Variants in BEND3 observed in about 807,000 individuals in gnomAD.
BEND3 encodes the protein BEN domain containing 3.
Under a neutral mutation model 60.1 loss-of-function variants are expected in BEND3, and 13 were observed. The observed-to-expected ratio is 0.22, with a 90% CI of 0.14 to 0.34. The LOEUF is 0.34. BEND3 is among the 10% of genes least tolerant of loss of function. The pLI, the probability that BEND3 is intolerant of heterozygous loss-of-function variation, is 1.00. For missense variants in BEND3, 896 were observed against 1,138.1 expected (o/e 0.79, Z 3.06); for synonymous variants, 497 against 491.5 (o/e 1.01, Z -0.15).
At chr6:107,095,145 A>C (rs1554235798) in intron 3 of BEND3, among the ~76,000 whole-genome samples, 1 of 151,828 alleles carries the variant, frequency 6.6e-6, no homozygotes, top group Non-Finnish European at 1.5e-5. Context: ...TTTGCACTCC[A>C]CCCTGGCAAC....
chr6:107,109,540 A>G (rs1048653996), intron 1 of BEND3, among the ~76,000 whole-genome samples: 5 of 151,436 alleles, frequency 3.3e-5, no homozygotes, highest in Admixed American at 6.6e-5. Context: ...GGAGTTTGAG[A>G]CCAGCCTGGG....
chr6:107,106,033 C>G (rs1373708569), intron 1 of BEND3: 6 of 152,232 alleles, frequency 3.9e-5, no homozygotes, highest in African/African-American at 1.4e-4. Context: ...ATTAACAAAA[C>G]AAACTCAAGG....
chr6:107,087,858 T>C (rs1183977626), intron 3 of BEND3, among the ~76,000 whole-genome samples: 2 of 145,004 alleles, frequency 1.4e-5, no homozygotes, highest in Non-Finnish European at 3.0e-5. Flanking sequence ...TCTTAAACTC[T>C]GGGCTCAAAT....
chr6:107,103,265 C>A (rs9486525), intron 1 of BEND3, among the ~76,000 whole-genome samples: 4,315 of 152,314 alleles, frequency 0.028, 204 homozygotes, highest in African/African-American at 0.099. Context: ...GGGGAGCACA[C>A]TGCTACCTCC....
rs117029872 is a variant in BEND3 at position 107,095,115 on chromosome 6, C to G, written c.240+3436G>C. ...AAGGATTACAGGTGTTAAACCACCA[C>G]ACCTAGCTGTGCCACTGCTTTTGCA... On this transcript the variant is annotated intron_variant, in intron 3 of 3. Coordinates refer to ENST00000369042, the MANE Select transcript of BEND3 (RefSeq NM_001367314.1). Among the ~76,000 whole-genome samples, 534 of 152,144 alleles carry G rather than the reference C, an allele frequency of 3.5e-3. 12 individuals carry two copies. The East Asian group carries it at 0.056, about 16-fold the overall frequency.
intron 1 of BEND3, among the ~76,000 whole-genome samples, chr6:107,101,772 G>A (rs527577925): frequency 2.1e-3 from 322 of 152,258 alleles, no homozygotes; most frequent in Non-Finnish European, 4.0e-3. Flanking sequence ...GACAATGCCA[G>A]GCAGAAATTC....
chr6:107,086,460 C>G (rs1775350507), intron 3 of BEND3, among the ~76,000 whole-genome samples: 2 of 151,064 alleles, frequency 1.3e-5, no homozygotes, highest in South Asian at 4.2e-4. Flanking sequence ...ACTAAAAATA[C>G]AACAATTAGC....
chr6:107,069,094 G>A lies in BEND3; in HGVS notation c.2097C>T (p.Cys699=), dbSNP rs782046200. ...LPPERSSKDF[C]KIPLDELVVP... is the part of the protein sequence containing the mutation. Reference sequence around the variant, plus strand: ...CCACCAGCTCGTCCAAGGGGATCTTGCAAAAGTCCTTGCTGCTCCTCTCGG... The same window carrying A: ...CCACCAGCTCGTCCAAGGGGATCTTACAAAAGTCCTTGCTGCTCCTCTCGG... Residue 699 remains cysteine, a synonymous_variant, in exon 4 of 4, where the codon TGC becomes TGT. Transcript: ENST00000369042. The A allele has an allele frequency of 1.9e-6, 3 of 1,613,120 alleles. No individual in the cohort carries two copies. Among genetic ancestry groups the A allele is most frequent in the South Asian group, 1.1e-5 (1 of 91,058 alleles).
intron 1 of BEND3, 109 bp from the exon 2 acceptor site, chr6:107,099,405 AGAGCAGCAC>A: frequency 2.3e-6 from 2 of 881,730 alleles, no homozygotes; most frequent in Non-Finnish European, 3.7e-6. Flanking sequence ...TCTAGGTAAC[AGAGCAGCAC>A]AGCACTGTGG....
chr6:107,092,386 A>G (rs1243939497), intron 3 of BEND3, among the ~76,000 whole-genome samples: 2 of 152,228 alleles, frequency 1.3e-5, no homozygotes, highest in African/African-American at 2.4e-5. Context: ...TCACATGATC[A>G]TGTCAATAAA....
chr6:107,096,618 A>C (rs879964355), intron 3 of BEND3, among the ~76,000 whole-genome samples: 2 of 152,172 alleles, frequency 1.3e-5, no homozygotes, highest in Admixed American at 1.3e-4. Context: ...TCCATCCATC[A>C]ATCAATCAAT....
At chr6:107,101,390 G>T (rs535773517) in intron 1 of BEND3, among the ~76,000 whole-genome samples, 1 of 152,234 alleles carries the variant, frequency 6.6e-6, no homozygotes, top group East Asian at 1.9e-4. Context: ...CACTGCAAAG[G>T]TTACTAATAA....
chr6:107,070,934 A>T lies in BEND3; in HGVS notation c.257T>A (p.Met86Lys). 1 of 1,611,082 alleles carries T rather than the reference A, an allele frequency of 6.2e-7. No homozygotes were observed. Among genetic ancestry groups the T allele is most frequent in the Non-Finnish European group, 8.5e-7 (1 of 1,178,720 alleles). The change falls in exon 4 of 4, where the codon ATG becomes AAG. Residue 86 changes from methionine to lysine, a missense_variant. Met to Lys is a moderately conservative substitution (Grantham distance 95). Transcript: ENST00000369042. The surrounding 1 kb of genome is among the most constrained non-coding windows in gnomAD (Gnocchi z 6.9). ...RLIPEALLAGMRNRENSSPCQ... is the reference protein window; with the variant it reads ...RLIPEALLAGKRNRENSSPCQ... ...GGGCGAGCTGTTCTCACGGTTCCGCATGCCTGCTAGGAGAGCCTGCAAAAC... is the reference window on the plus strand; with the variant it reads ...GGGCGAGCTGTTCTCACGGTTCCGCTTGCCTGCTAGGAGAGCCTGCAAAAC...
intron 3 of BEND3, among the ~76,000 whole-genome samples, chr6:107,095,890 G>A (rs893227708): frequency 1.3e-5 from 2 of 152,190 alleles, no homozygotes; most frequent in Non-Finnish European, 2.9e-5. Context: ...GGGTTATGTG[G>A]GAGTGAAGGA....
intron 3 of BEND3, among the ~76,000 whole-genome samples, chr6:107,076,756 C>A (rs1775109005): frequency 6.6e-6 from 1 of 152,188 alleles, no homozygotes; most frequent in Non-Finnish European, 1.5e-5. Context: ...GTTGGGCTGG[C>A]ATCTCCCTCC....
intron 3 of BEND3, among the ~76,000 whole-genome samples, chr6:107,081,014 T>G (rs1554233471): frequency 6.6e-6 from 1 of 152,122 alleles, no homozygotes; most frequent in African/African-American, 2.4e-5. Flanking sequence ...CAAGCTGGAG[T>G]GCAGAGGCAG....
At chr6:107,071,282 A>G (rs2114995997) in intron 3 of BEND3, among the ~76,000 whole-genome samples, 1 of 152,344 alleles carries the variant, frequency 6.6e-6, no homozygotes, top group East Asian at 1.9e-4. Flanking sequence ...AGAACTCTGC[A>G]AGAAACAGGA....
chr6:107,069,809 T>G lies in BEND3; in HGVS notation c.1382A>C (p.Asp461Ala). Residue 461 changes from aspartate (D) to alanine (A), a missense_variant, in exon 4 of 4, where the codon GAC becomes GCC. Physicochemically the swap from Asp to Ala is moderately radical, Grantham distance 126. Around this residue, in one of 4 missense-constraint regions of BEND3, gnomAD observed 846 missense variants for 1,036.7 expected, o/e 0.82. Coordinates refer to ENST00000369042, the MANE Select transcript of BEND3 (RefSeq NM_001367314.1). Reference sequence around the variant, plus strand: ...CAGCCAGGCCTCCTCCTCCTGCATGTCAGGGAAGTAGATCTCCGTGTAGTT... The same window carrying G: ...CAGCCAGGCCTCCTCCTCCTGCATGGCAGGGAAGTAGATCTCCGTGTAGTT... ...IRNYTEIYFP[D>A]MQEEEAWLQQ... 4 of 1,613,422 alleles carry G rather than the reference T, an allele frequency of 2.5e-6. No individual in the cohort carries two copies. The highest frequency in any genetic ancestry group is 3.4e-6 in the Non-Finnish European group (4 of 1,179,946).
chr6:107,075,103 G>GAA (rs1393509657), intron 3 of BEND3, among the ~76,000 whole-genome samples: 2 of 151,952 alleles, frequency 1.3e-5, no homozygotes, highest in Admixed American at 1.3e-4. Flanking sequence ...AAAGAAGAGG[G>GAA]AAGGATTAGC....
Sources: allele counts gnomAD v4.1 joint callset (sites outside exome capture counted in the v4.1 genomes callset), GRCh38; gene constraint gnomAD v4.1.1; regional missense constraint gnomAD v4.1.1; non-coding constraint Gnocchi (gnomAD v3.1); transcripts MANE v1.5; gene names NCBI Gene and HGNC (gene_info 2026-07-23, HGNC 2026-07-21).